RGS6: variants seen among roughly 807,000 people sequenced by gnomAD.
The protein encoded by RGS6 is regulator of G protein signaling 6.
Under a neutral mutation model 78.5 loss-of-function variants are expected in RGS6, and 30 were observed. The observed-to-expected ratio is 0.38, with a 90% confidence interval of 0.29 to 0.52. RGS6 has a LOEUF of 0.52. Among genes scored for constraint, RGS6 ranks in the 20% least tolerant of loss-of-function variants. The pLI, the probability that RGS6 is intolerant of heterozygous loss-of-function variation, is 0.85. For missense variants in RGS6, 495 were observed against 609.7 expected, an observed-to-expected ratio of 0.81 and a Z score of 1.98; for synonymous variants, 206 against 206.0, an observed-to-expected ratio of 1.00 and a Z score of 0.00.
At chr14:72,253,652 T>G (rs1450440065) in intron 2 of RGS6, among the ~76,000 whole-genome samples, 1 of 152,196 alleles carries the variant, frequency 6.6e-6, no homozygotes. Flanking sequence ...AAGTTGGATG[T>G]GGCCAGTGAA....
At chr14:72,051,511 G>T (rs1325492526) in intron 2 of RGS6, among the ~76,000 whole-genome samples, 1 of 152,074 alleles carries the variant, frequency 6.6e-6, no homozygotes, top group Non-Finnish European at 1.5e-5. Context: ...AATAGCCAAT[G>T]GTATAATTTA....
At position 72,204,095 on chromosome 14, in the gene RGS6, G is replaced by A. The variant is rs1418854607; in HGVS notation, c.85-148000G>A. Among the ~76,000 whole-genome samples the A allele has an allele frequency of 2.6e-5, 4 of 151,946 alleles. No homozygotes were observed. The East Asian group carries it at 5.8e-4, about 22-fold the overall frequency. On this transcript the variant is annotated intron_variant, in intron 2 of 17. Coordinates refer to ENST00000553525, the MANE Select transcript of RGS6 (RefSeq NM_001204424.2). ...CACCTCGGCCTCCCAAAGTGCTGGG[G>A]TTACAGGCATGAGCCACCACACCTG...
At chr14:71,901,457 G>T in the RGS6 span, among the ~76,000 whole-genome samples, 1 of 152,182 alleles carries the variant, frequency 6.6e-6, no homozygotes, top group Admixed American at 6.5e-5. Flanking sequence ...ATTTTCCAAT[G>T]TGTCTTATAG....
At chr14:72,224,841 A>C (rs2047730122) in intron 2 of RGS6, among the ~76,000 whole-genome samples, 1 of 152,108 alleles carries the variant, frequency 6.6e-6, no homozygotes, top group South Asian at 2.1e-4. Flanking sequence ...CACAAAGTCA[A>C]GTAGCTCCAC....
At chr14:72,175,007 A>AT (rs2097086758) in intron 2 of RGS6, among the ~76,000 whole-genome samples, 1 of 152,078 alleles carries the variant, frequency 6.6e-6, no homozygotes, top group Non-Finnish European at 1.5e-5. Context: ...TCTCCATGGA[A>AT]TACATTAAGG....
At chr14:71,936,866 A>G (rs2089515471) in intron 1 of RGS6, among the ~76,000 whole-genome samples, 2 of 152,344 alleles carry the variant, frequency 1.3e-5, no homozygotes, top group South Asian at 4.1e-4. Context: ...CGTAGCTGGT[A>G]TTGATGACTA....
Position 72,476,760 on chromosome 14 carries a change from GAA to G in RGS6, c.713_714del (p.Glu238GlyfsTer46). On this transcript the variant is annotated frameshift_variant, in exon 11 of 18. Transcript: ENST00000553525. LOFTEE classifies it high-confidence loss of function. ...KVKKSVYGVTEESQAQSPVHV... is the reference protein window; with the variant it reads ...KVKKSVYGVTXESQAQSPVHV... Reference sequence around the variant, plus strand: ...CTCCTAGTCCGTGTATGGCGTGACTGAAGAGTCCCAGGCACAGAGCCCGGTGC... The same window carrying G: ...CTCCTAGTCCGTGTATGGCGTGACTGGAGTCCCAGGCACAGAGCCCGGTGC... 6.2e-7 allele frequency: 1 copy of G among 1,614,134 alleles called. No homozygotes were observed. Among genetic ancestry groups the G allele is most frequent in the Non-Finnish European group, 8.5e-7 (1 of 1,180,010 alleles).
intron 2 of RGS6, among the ~76,000 whole-genome samples, chr14:72,272,967 T>C: frequency 6.6e-6 from 1 of 151,984 alleles, no homozygotes; most frequent in Admixed American, 6.6e-5. Context: ...ATACAAAAAA[T>C]TAGCAGGGCG....
At chr14:72,578,434 G>A in the RGS6 span, among the ~76,000 whole-genome samples, 1 of 152,082 alleles carries the variant, frequency 6.6e-6, no homozygotes, top group African/African-American at 2.4e-5. Context: ...CTTAGCTGAG[G>A]TCCAGAACTT....
intron 2 of RGS6, among the ~76,000 whole-genome samples, chr14:72,303,288 G>T (rs552799046): frequency 6.6e-6 from 1 of 152,150 alleles, no homozygotes; most frequent in African/African-American, 2.4e-5. Flanking sequence ...GTCACCTGAG[G>T]TCAGGAGTTC....
chr14:72,525,923 G>A (rs2097111044), intron 15 of RGS6, among the ~76,000 whole-genome samples: 1 of 152,132 alleles, frequency 6.6e-6, no homozygotes, highest in African/African-American at 2.4e-5. Flanking sequence ...ATTTTGCAGA[G>A]AATAAATCAG....
intron 2 of RGS6, among the ~76,000 whole-genome samples, chr14:72,189,890 C>T (rs1426157462): frequency 3.9e-5 from 6 of 152,166 alleles, no homozygotes; most frequent in African/African-American, 7.2e-5. Flanking sequence ...ACATATCTAA[C>T]GGCTACATGG....
At chr14:72,520,709 TC>T (rs1198911235) in intron 15 of RGS6, among the ~76,000 whole-genome samples, 1 of 152,260 alleles carries the variant, frequency 6.6e-6, no homozygotes, top group Non-Finnish European at 1.5e-5. Flanking sequence ...GCTATTATCT[TC>T]CTATGGTAAA....
At chr14:71,871,278 C>A in the RGS6 span, among the ~76,000 whole-genome samples, 6 of 152,260 alleles carry the variant, frequency 3.9e-5, no homozygotes, top group East Asian at 1.2e-3. Context: ...ACATCCCAAA[C>A]CAGGGCATTT....
chr14:72,419,786 C>G (rs2094065032), intron 3 of RGS6, among the ~76,000 whole-genome samples: 1 of 152,186 alleles, frequency 6.6e-6, no homozygotes, highest in Non-Finnish European at 1.5e-5. Flanking sequence ...AGGGGAGACT[C>G]TTTGCCTCTG....
chr14:72,334,499 A>T (rs549690778), intron 2 of RGS6, among the ~76,000 whole-genome samples: 2 of 152,258 alleles, frequency 1.3e-5, no homozygotes, highest in East Asian at 3.9e-4. Flanking sequence ...TGATGGCAGG[A>T]GGGAGGGGTG....
chr14:72,587,935 A>G, the RGS6 span, among the ~76,000 whole-genome samples: 2 of 152,200 alleles, frequency 1.3e-5, no homozygotes, highest in Admixed American at 1.3e-4. Context: ...GGGAGACATC[A>G]TCGGCCAGTA....
intron 2 of RGS6, among the ~76,000 whole-genome samples, chr14:72,241,864 A>G (rs1284466307): frequency 6.6e-6 from 1 of 152,250 alleles, no homozygotes; most frequent in African/African-American, 2.4e-5. Context: ...CACTAGAAAC[A>G]TTCCACGGTG....
chr14:72,058,244 G>A (rs1203196071), intron 2 of RGS6, among the ~76,000 whole-genome samples: 15 of 152,120 alleles, frequency 9.9e-5, no homozygotes, highest in Non-Finnish European at 2.1e-4. Context: ...AAATCTTTAA[G>A]TTGATGCAAT....
Sources: gnomAD v4.1 joint callset for allele counts (sites outside exome capture counted in the v4.1 genomes callset) on GRCh38, gnomAD v4.1.1 for gene constraint, MANE v1.5 for transcripts, NCBI Gene and HGNC (gene_info 2026-07-23, HGNC 2026-07-21) for gene names.